CAPN14: variants seen among roughly 807,000 people sequenced by gnomAD.
CAPN14 encodes calpain-14.
Under a neutral mutation model 101.3 loss-of-function variants are expected in CAPN14, and 94 were observed. The ratio of observed to expected loss-of-function variants is 0.93; its 90% CI spans 0.79 to 1.10. The LOEUF is 1.10. CAPN14 is among the 50% of genes least tolerant of loss of function. The pLI, the probability that CAPN14 is intolerant of heterozygous loss-of-function variation, is 0.00. For synonymous variants in CAPN14, 338 were observed against 317.9 expected (o/e 1.06, Z -0.67); for missense variants, 837 against 828.4 (o/e 1.01, Z -0.13).
chr2:31,189,884 C>T (rs1417616693), intron 12 of CAPN14, among the ~76,000 whole-genome samples: 5 of 152,152 alleles, frequency 3.3e-5, no homozygotes, highest in Admixed American at 1.3e-4. Context: ...AGTTCCAATG[C>T]TCCTGTTCTT....
chr2:31,220,577 C>T (rs879815924), upstream of CAPN14, among the ~76,000 whole-genome samples: 2 of 152,214 alleles, frequency 1.3e-5, no homozygotes, highest in Non-Finnish European at 2.9e-5. Flanking sequence ...GTAATCCCAA[C>T]ACTTTGGGAG....
At position 31,180,952 on chromosome 2, in the gene CAPN14, A is replaced by G; in HGVS notation, c.1694T>C (p.Ile565Thr). 6.4e-7 allele frequency: 1 copy of G among 1,551,812 alleles called. No homozygotes were observed. The change falls in exon 17 of 22, where the codon ATC becomes ACC. Residue 565 changes from isoleucine to threonine, a missense_variant. Ile to Thr is a moderately conservative substitution (Grantham distance 89, BLOSUM62 -1). Coordinates refer to ENST00000403897, the MANE Select transcript of CAPN14 (RefSeq NM_001145122.2). ...PFFSLEACQG[I>T]LALLDLNASG... ...AAAGGATACGTCCAGTAAGGCCAGG[A>G]TCCCCTGGCAGGCTTCCAGGCTAAA...
rs1005525797 is a variant in CAPN14, at chr2:31,188,547, G to C, written c.1494-193C>G. On this transcript the variant is annotated intron_variant, in intron 13 of 21. Coordinates refer to ENST00000403897, the MANE Select transcript of CAPN14 (RefSeq NM_001145122.2). ...CAGCCATGTGCACAGCACACTGCTTGTAATTCCCTGCACCCTCATCTAACT... is the reference window on the plus strand; with the variant it reads ...CAGCCATGTGCACAGCACACTGCTTCTAATTCCCTGCACCCTCATCTAACT... Among the ~76,000 whole-genome samples the C allele has an allele frequency of 4.6e-5, 7 of 152,132 alleles. No individual in the cohort carries two copies. In the East Asian group the frequency reaches 5.8e-4, roughly 13 times the overall value.
At chr2:31,191,502 G>A (rs368434800) in intron 11 of CAPN14, 95 bp from the exon 12 acceptor site, 62 of 1,248,458 alleles carry the variant, frequency 5.0e-5, no homozygotes, top group Middle Eastern at 5.4e-4. Flanking sequence ...ACCGAAACCC[G>A]AATAGAAGCT....
chr2:31,192,012 C>G lies in CAPN14; in HGVS notation c.1201G>C (p.Val401Leu). The G allele has an allele frequency of 1.3e-6, 2 of 1,551,618 alleles. No homozygotes were observed. The highest frequency in any genetic ancestry group is 1.2e-5 in the South Asian group (1 of 84,062). The part of the protein sequence containing the change: ...RRSLRPCSVL[V>L]SLLQKPRHRC... ...TGCCTGGGCTTCTGGAGCAGGGACA[C>G]CAGCACGCTGCAGGGCCTCAGGGAT... Residue 401 changes from valine to leucine, a missense_variant, in exon 11 of 22, where the codon GTG (valine) becomes CTG (leucine). Physicochemically the swap from Val to Leu is conservative, Grantham distance 32. Transcript: ENST00000403897.
chr2:31,177,077 T>A lies in CAPN14; in HGVS notation c.1921A>T (p.Met641Leu). Residue 641 changes from methionine (M) to leucine (L), a missense_variant, in exon 20 of 22, where the codon ATG (methionine) becomes TTG (leucine). Met to Leu is a conservative substitution (Grantham distance 15, BLOSUM62 2). Coordinates refer to ENST00000403897, the MANE Select transcript of CAPN14 (RefSeq NM_001145122.2). Reference protein sequence around the residue: ...LIRYGGPRLQMDFVSFIHLML... With the variant: ...LIRYGGPRLQLDFVSFIHLML... Reference sequence around the variant, plus strand: ...AAGTGGATGAAACTGACAAAGTCCATCTGGAGGCGGGGGCCGCCGTAGCGG... The same window carrying A: ...AAGTGGATGAAACTGACAAAGTCCAACTGGAGGCGGGGGCCGCCGTAGCGG... The A allele has an allele frequency of 2.6e-6, 4 of 1,551,520 alleles. No homozygotes were observed. Among genetic ancestry groups the A allele is most frequent in the Non-Finnish European group, 3.5e-6 (4 of 1,146,870 alleles).
At chr2:31,179,118 C>G (rs1044818679) in intron 17 of CAPN14, among the ~76,000 whole-genome samples, 8 of 144,488 alleles carry the variant, frequency 5.5e-5, no homozygotes, top group Admixed American at 4.9e-4. Context: ...TACATGTGCA[C>G]AATGTGCAGG....
intron 1 of CAPN14, among the ~76,000 whole-genome samples, chr2:31,229,143 G>A (rs1410478307): frequency 1.3e-5 from 2 of 152,166 alleles, no homozygotes; most frequent in East Asian, 1.9e-4. Context: ...TAAAAAGCAA[G>A]GGGACAACAC....
chr2:31,187,727 C>G (rs1210144343), intron 15 of CAPN14, 31 bp downstream of exon 15: 2 of 1,537,994 alleles, frequency 1.3e-6, no homozygotes, highest in South Asian at 2.4e-5. Flanking sequence ...CCCTGCTCTT[C>G]CTCACCCCCC....
intron 8 of CAPN14, among the ~76,000 whole-genome samples, chr2:31,196,772 C>G (rs148591682): frequency 2.6e-5 from 4 of 152,156 alleles, no homozygotes; most frequent in Admixed American, 1.3e-4. Flanking sequence ...TATATGTAAT[C>G]AGAGTGTAGA....
chr2:31,188,621 G>T (rs4404324), intron 13 of CAPN14, among the ~76,000 whole-genome samples: 8 of 152,142 alleles, frequency 5.3e-5, no homozygotes, highest in Non-Finnish European at 1.2e-4. Flanking sequence ...TGGCAGTGGG[G>T]CCTGCCTGAG....
intron 9 of CAPN14, among the ~76,000 whole-genome samples, chr2:31,193,553 G>T (rs932914755): frequency 9.9e-5 from 15 of 152,222 alleles, no homozygotes; most frequent in Admixed American, 6.5e-4. Context: ...ATGGCTGACC[G>T]GGGGAGATGT....
chr2:31,185,666 G>A (rs1299194117), intron 16 of CAPN14, among the ~76,000 whole-genome samples: 1 of 152,060 alleles, frequency 6.6e-6, no homozygotes, highest in Non-Finnish European at 1.5e-5. Flanking sequence ...AACTGAATTT[G>A]GCTTTGAGAA....
rs146631573 is a variant in CAPN14 at position 31,199,482 on chromosome 2, T to C, written c.777A>G (p.Thr259=). ...AACCTCAACCCACCTTCCTGATTCC[T>C]GTGAGAGTATAGGCATGGCCTTCCA... is the stretch of plus-strand genomic sequence containing the variant. ...GLVEGHAYTL[T]GIRKVTCKHR... is the part of the protein sequence containing the mutation. The change falls in exon 7 of 22, where the codon ACA becomes ACG. Residue 259 remains threonine, a synonymous_variant. Coordinates refer to ENST00000403897, the MANE Select transcript of CAPN14 (RefSeq NM_001145122.2). 9.3e-3 allele frequency: 14,401 copies of C among 1,551,486 alleles called. 78 individuals carry two copies. Among genetic ancestry groups the C allele is most frequent in the Non-Finnish European group, 0.01 (11,880 of 1,146,868 alleles).
intron 1 of CAPN14, among the ~76,000 whole-genome samples, chr2:31,211,318 G>A (rs6760488): frequency 0.67 from 101,389 of 151,650 alleles, 34,379 homozygotes; most frequent in East Asian, 0.96. Context: ...CACAGAAGAG[G>A]TTATTTTACA....
chr2:31,189,089 A>G (rs904173396), intron 13 of CAPN14, among the ~76,000 whole-genome samples, 184 bp downstream of exon 13: 1 of 152,184 alleles, frequency 6.6e-6, no homozygotes, highest in African/African-American at 2.4e-5. Context: ...TTGTGAGTGG[A>G]AGGAGGGTGG....
intron 1 of CAPN14, among the ~76,000 whole-genome samples, chr2:31,231,090 CCTCTT>C (rs986850601): frequency 3.3e-5 from 5 of 152,134 alleles, no homozygotes; most frequent in East Asian, 1.9e-4. Flanking sequence ...TTACTGTTGT[CCTCTT>C]CTCTTCTCTG....
chr2:31,181,464 TTTTC>T (rs1435073172), intron 16 of CAPN14, among the ~76,000 whole-genome samples: 11 of 127,078 alleles, frequency 8.7e-5, no homozygotes, highest in African/African-American at 3.6e-4. Context: ...TTTTTTCTCT[TTTTC>T]TTTCTTTTCT....
At position 31,189,438 on chromosome 2, in the gene CAPN14, T is replaced by A. The variant is rs1447262021; in HGVS notation, c.1328A>T (p.Gln443Leu). Residue 443 changes from glutamine (Q) to leucine (L), a missense_variant, in exon 13 of 22, where the codon CAG becomes CTG. Gln to Leu is a moderately radical substitution (Grantham distance 113). Transcript: ENST00000403897. ...AGGCTGGCTCAGAGGAGTGTTTCTC[T>A]GGAAGAACTCAGGGGGCAGTCTCCT... The part of the protein sequence containing the change: ...DQRRLPPEFF[Q>L]RNTPLSQPDR... The A allele has an allele frequency of 6.4e-7, 1 of 1,551,590 alleles. No individual in the cohort carries two copies. Among genetic ancestry groups the A allele is most frequent in the East Asian group, 2.4e-5 (1 of 40,930 alleles).
Sources: gnomAD v4.1 joint callset for allele counts (sites outside exome capture counted in the v4.1 genomes callset) on GRCh38, gnomAD v4.1.1 for gene constraint, MANE v1.5 for transcripts, NCBI Gene and HGNC (gene_info 2026-07-23, HGNC 2026-07-21) for gene names.